The following SPOCK1 variants were observed in gnomAD, a reference collection of about 807,000 sequenced individuals.
SPOCK1 encodes testican-1.
SPOCK1 carries 23 observed loss-of-function variants against 55.3 expected under a neutral mutation model. The observed-to-expected ratio is 0.42, with a 90% CI of 0.30 to 0.59. The LOEUF (loss-of-function observed/expected upper bound fraction) is 0.59. SPOCK1 is among the 20% of genes least tolerant of loss of function. SPOCK1 has a pLI of 0.22. For missense variants in SPOCK1, 499 were observed against 552.5 expected (o/e 0.90, Z 0.97); for synonymous variants, 226 against 221.0 (o/e 1.02, Z -0.20).
intron 4 of SPOCK1, among the ~76,000 whole-genome samples, chr5:137,116,672 C>A (rs557675711): frequency 2.6e-5 from 4 of 152,062 alleles, no homozygotes; most frequent in African/African-American, 9.6e-5. Context: ...TATCTTCTCC[C>A]TACCTCCTAG....
chr5:137,197,943 G>T lies in SPOCK1; in HGVS notation c.233-57249C>A, dbSNP rs547439015. On this transcript the variant is annotated intron_variant, in intron 3 of 10. Transcript: ENST00000394945. Reference sequence around the variant, plus strand: ...TACAATCATCCTCCTCACTGCTACTGGTAAAACTTCTTAAAGTCAGAATTG... The same window carrying T: ...TACAATCATCCTCCTCACTGCTACTTGTAAAACTTCTTAAAGTCAGAATTG... Among the ~76,000 whole-genome samples, 9 of 152,224 alleles carry T rather than the reference G, an allele frequency of 5.9e-5. 1 individual carries two copies. The Middle Eastern group carries it at 0.02, about 345-fold the overall frequency.
intron 6 of SPOCK1, among the ~76,000 whole-genome samples, chr5:137,019,583 G>C (rs147127754): frequency 6.6e-6 from 1 of 152,016 alleles, no homozygotes; most frequent in Non-Finnish European, 1.5e-5. Context: ...AAACATCATC[G>C]TTGTGCCTCA....
chr5:137,485,158 A>C (rs540184403), intron 2 of SPOCK1, among the ~76,000 whole-genome samples: 1 of 152,316 alleles, frequency 6.6e-6, no homozygotes, highest in Non-Finnish European at 1.5e-5. Context: ...TTCGGAAAAG[A>C]ACAATGTAAA....
chr5:137,421,721 A>G (rs1232229529), intron 2 of SPOCK1, among the ~76,000 whole-genome samples: 1 of 152,234 alleles, frequency 6.6e-6, no homozygotes, highest in Non-Finnish European at 1.5e-5. Context: ...TCCTGAATAT[A>G]GCACACTGAT....
intron 3 of SPOCK1, among the ~76,000 whole-genome samples, chr5:137,252,455 T>C (rs1328556655): frequency 6.6e-6 from 1 of 152,200 alleles, no homozygotes; most frequent in Non-Finnish European, 1.5e-5. Context: ...CAAAAGTTCC[T>C]AGAATATTGT....
chr5:137,189,030 G>T (rs1247966027), intron 3 of SPOCK1, among the ~76,000 whole-genome samples: 1 of 152,226 alleles, frequency 6.6e-6, no homozygotes, highest in East Asian at 1.9e-4. Flanking sequence ...ATTCTTTGAA[G>T]GCTGAGAAAG....
intron 3 of SPOCK1, among the ~76,000 whole-genome samples, chr5:137,159,277 T>C (rs1013744257): frequency 2.0e-5 from 3 of 152,194 alleles, no homozygotes; most frequent in Non-Finnish European, 2.9e-5. Context: ...ATGGGATCAC[T>C]TCTACTTTAA....
chr5:137,358,605 A>G (rs988950697), intron 2 of SPOCK1, among the ~76,000 whole-genome samples: 1 of 151,922 alleles, frequency 6.6e-6, no homozygotes, highest in African/African-American at 2.4e-5. Context: ...TCCCTCTGTA[A>G]TATCTCCCCA....
chr5:137,134,564 A>G (rs192856195), intron 4 of SPOCK1, among the ~76,000 whole-genome samples: 2 of 152,360 alleles, frequency 1.3e-5, no homozygotes, highest in East Asian at 3.9e-4. Context: ...TAAGCTACAT[A>G]AATATAAAAT....
intron 6 of SPOCK1, among the ~76,000 whole-genome samples, chr5:137,035,090 A>G (rs1484694676): frequency 1.3e-5 from 2 of 152,316 alleles, no homozygotes; most frequent in Non-Finnish European, 2.9e-5. Context: ...TCAGGCCCTG[A>G]GCCTGACATT....
At chr5:137,021,740 C>T (rs1205123494) in intron 6 of SPOCK1, among the ~76,000 whole-genome samples, 4 of 152,052 alleles carry the variant, frequency 2.6e-5, no homozygotes, top group Middle Eastern at 3.2e-3. Context: ...GTTCAACATC[C>T]TTGGAACTAC....
At chr5:137,487,016 G>T (rs538048917) in intron 2 of SPOCK1, among the ~76,000 whole-genome samples, 14 of 152,306 alleles carry the variant, frequency 9.2e-5, no homozygotes, top group African/African-American at 3.1e-4. Context: ...AGCATGGAAA[G>T]ATCCAGAAAT....
chr5:137,052,158 T>C (rs1580726523), intron 6 of SPOCK1, among the ~76,000 whole-genome samples: 1 of 152,330 alleles, frequency 6.6e-6, no homozygotes, highest in East Asian at 1.9e-4. Context: ...GCAGACTTGT[T>C]TGAGCAACAA....
intron 6 of SPOCK1, among the ~76,000 whole-genome samples, chr5:137,014,065 A>C (rs1324400409): frequency 6.6e-6 from 1 of 152,268 alleles, no homozygotes; most frequent in South Asian, 2.1e-4. Flanking sequence ...TGTTTGGATC[A>C]TGGAGGTGGA....
chr5:137,034,003 A>G (rs1465971693), intron 6 of SPOCK1, among the ~76,000 whole-genome samples: 1 of 152,266 alleles, frequency 6.6e-6, no homozygotes, highest in East Asian at 1.9e-4. Flanking sequence ...AAGCTCCATG[A>G]GAGCAGAACC....
In SPOCK1 at chr5:136,976,802, CA is replaced by C. The variant is rs1356469453; in HGVS notation, c.*1851del. On this transcript the variant is annotated 3_prime_UTR_variant, in exon 11 of 11. Transcript: ENST00000394945. ...ACGAAGCCAAAGGACTTTGCTATAT[CA>C]AGTAGTTCATTTCTTATCTAAGACC... 2 of 152,172 alleles carry C rather than the reference CA, an allele frequency of 1.3e-5. No individual in the cohort carries two copies. The highest frequency in any genetic ancestry group is 4.1e-4 in the South Asian group (2 of 4,828). 9.4% of individuals were successfully genotyped at this position (152,172 alleles called of 1,614,324 possible).
chr5:137,166,026 C>A (rs1179386260), intron 3 of SPOCK1, among the ~76,000 whole-genome samples: 1 of 152,034 alleles, frequency 6.6e-6, no homozygotes, highest in East Asian at 1.9e-4. Flanking sequence ...GAGAACTTCC[C>A]AAACCTACAG....
rs905327571 is a variant in SPOCK1, at chr5:136,976,237, G to A, written c.*2417C>T. 2.6e-5 allele frequency: 4 copies of A among 152,250 alleles called. No individual in the cohort carries two copies. The highest frequency in any genetic ancestry group is 7.2e-5 in the African/African-American group (3 of 41,446). 9.4% of individuals were successfully genotyped at this position (152,250 alleles called of 1,614,324 possible). ...AAAGTATTATTAATGTGGCTCCATCGATTTGGGGGTTCCAATCTGAGGAGG... is the reference window on the plus strand; with the variant it reads ...AAAGTATTATTAATGTGGCTCCATCAATTTGGGGGTTCCAATCTGAGGAGG... On this transcript the variant is annotated 3_prime_UTR_variant, in exon 11 of 11. Coordinates refer to ENST00000394945, the MANE Select transcript of SPOCK1 (RefSeq NM_004598.4).
chr5:137,296,067 C>T (rs1450725393), intron 2 of SPOCK1, among the ~76,000 whole-genome samples: 2 of 152,080 alleles, frequency 1.3e-5, no homozygotes, highest in Non-Finnish European at 2.9e-5. Context: ...TAAAAGAGAC[C>T]CTGAAGAGAC....
Sources: gnomAD v4.1 joint callset for allele counts (sites outside exome capture counted in the v4.1 genomes callset) on GRCh38, gnomAD v4.1.1 for gene constraint, MANE v1.5 for transcripts, NCBI Gene and HGNC (gene_info 2026-07-23, HGNC 2026-07-21) for gene names.